The following PCDHA13 variants were observed in gnomAD, a reference collection of about 807,000 sequenced individuals.
PCDHA13 encodes the protein protocadherin alpha 13.
PCDHA13 carries 54 observed loss-of-function variants against 64.8 expected under a neutral mutation model. The ratio of observed to expected loss-of-function variants is 0.83; its 90% confidence interval spans 0.67 to 1.04. The LOEUF (loss-of-function observed/expected upper bound fraction) is 1.04, where lower values mean the gene tolerates loss of function less well. PCDHA13 is among the 50% of genes least tolerant of loss of function. PCDHA13 has a pLI of 0.00. For synonymous variants in PCDHA13, 587 were observed against 564.4 expected (o/e 1.04, Z -0.57); for missense variants, 1,248 against 1,254.3 (o/e 0.99, Z 0.08).
At position 140,882,226 on chromosome 5, in the gene PCDHA13, G is replaced by T; in HGVS notation, c.-43G>T. 6.4e-7 allele frequency: 1 copy of T among 1,564,150 alleles called. No individual in the cohort carries two copies. The highest frequency in any genetic ancestry group is 1.9e-5 in the Admixed American group (1 of 53,768). On this transcript the variant is annotated 5_prime_UTR_variant, in exon 1 of 4. Transcript: ENST00000289272. The stretch of plus-strand genomic sequence containing the variant: ...CTTGAGAGACAGTTTGAGGTAAGGC[G>T]TTGTATATATTGCAGATAGCTCTGA...
At chr5:140,885,107 T>G (rs2060471687) in intron 1 of PCDHA13, among the ~76,000 whole-genome samples, 1 of 152,238 alleles carries the variant, frequency 6.6e-6, no homozygotes, top group African/African-American at 2.4e-5. Context: ...TAAATGCTTT[T>G]TTTAAGTGCA....
chr5:141,004,933 AAAAT>A (rs1336216932), intron 3 of PCDHA13, among the ~76,000 whole-genome samples: 1 of 152,198 alleles, frequency 6.6e-6, no homozygotes, highest in Non-Finnish European at 1.5e-5. Flanking sequence ...AAGAGAGAAG[AAAAT>A]TTCTTACCCT....
chr5:140,979,197 T>C (rs954222917), intron 2 of PCDHA13, among the ~76,000 whole-genome samples, 190 bp downstream of exon 2: 2 of 152,214 alleles, frequency 1.3e-5, no homozygotes, highest in Non-Finnish European at 2.9e-5. Flanking sequence ...CAGATGCTTA[T>C]CAAGTGCTGG....
At position 140,928,212 on chromosome 5, in the gene PCDHA13, C is replaced by G. The variant is rs1388758279; in HGVS notation, c.2394+43550C>G. The G allele has an allele frequency of 2.5e-6, 4 of 1,614,106 alleles. No individual in the cohort carries two copies. The African/African-American group carries it at 5.3e-5, about 22-fold the overall frequency. On this transcript the variant is annotated intron_variant, in intron 1 of 3. Coordinates refer to ENST00000289272, the MANE Select transcript of PCDHA13 (RefSeq NM_018904.3). Reference sequence around the variant, plus strand: ...CTGTGTCAGTTGCTGATGTGAATGACAATACACCAAACTTTCCTCAACCCC... The same window carrying G: ...CTGTGTCAGTTGCTGATGTGAATGAGAATACACCAAACTTTCCTCAACCCC...
intron 1 of PCDHA13, among the ~76,000 whole-genome samples, chr5:140,958,893 A>G (rs1332305633): frequency 2.6e-5 from 4 of 152,002 alleles, no homozygotes; most frequent in African/African-American, 9.7e-5. Flanking sequence ...TAGCTATATA[A>G]TAGATACAGA....
chr5:140,910,858 T>C (rs947258615), intron 1 of PCDHA13, among the ~76,000 whole-genome samples: 3 of 152,190 alleles, frequency 2.0e-5, no homozygotes, highest in Non-Finnish European at 4.4e-5. Context: ...CTATGTTCCA[T>C]CCACCATTAT....
intron 3 of PCDHA13, among the ~76,000 whole-genome samples, chr5:141,003,429 A>G (rs782300910): frequency 6.6e-5 from 10 of 152,138 alleles, no homozygotes; most frequent in Non-Finnish European, 1.3e-4. Flanking sequence ...CTTATGCCTC[A>G]GCCTCCCAAG....
At chr5:140,907,995 C>T (rs1441720086) in intron 1 of PCDHA13, among the ~76,000 whole-genome samples, 9 of 152,166 alleles carry the variant, frequency 5.9e-5, no homozygotes, top group African/African-American at 1.9e-4. Flanking sequence ...AGTCCTTAAC[C>T]ATCCAGCCAA....
At chr5:140,997,762 A>G (rs2097784598) in intron 3 of PCDHA13, among the ~76,000 whole-genome samples, 1 of 152,118 alleles carries the variant, frequency 6.6e-6, no homozygotes, top group Non-Finnish European at 1.5e-5. Context: ...GAGTAAGGAT[A>G]TAGCACTATG....
chr5:140,948,959 C>T (rs1315047565), intron 1 of PCDHA13, among the ~76,000 whole-genome samples: 13 of 151,622 alleles, frequency 8.6e-5, no homozygotes, highest in South Asian at 6.2e-4. Context: ...ATTAAAGCCA[C>T]GAATTTATTA....
At chr5:140,986,460 G>A (rs1489873666) in intron 3 of PCDHA13, among the ~76,000 whole-genome samples, 1 of 152,176 alleles carries the variant, frequency 6.6e-6, no homozygotes, top group Admixed American at 6.5e-5. Flanking sequence ...TTTAATGAAT[G>A]CCCTCTTGTG....
At chr5:140,933,512 A>C (rs2089201610) in intron 1 of PCDHA13, among the ~76,000 whole-genome samples, 1 of 152,078 alleles carries the variant, frequency 6.6e-6, no homozygotes, top group African/African-American at 2.4e-5. Context: ...CAAAGACTAC[A>C]GCTGTTTTGT....
At chr5:140,941,019 C>T (rs569905763) in intron 1 of PCDHA13, among the ~76,000 whole-genome samples, 4 of 152,142 alleles carry the variant, frequency 2.6e-5, no homozygotes, top group East Asian at 1.9e-4. Context: ...TCCTATTTTC[C>T]TTCTGGCCTT....
chr5:140,884,390 T>C lies in PCDHA13; in HGVS notation c.2122T>C (p.Ser708Pro). 4.3e-6 allele frequency: 7 copies of C among 1,613,968 alleles called. No homozygotes were observed. Among genetic ancestry groups the C allele is most frequent in the Middle Eastern group, 1.6e-4 (1 of 6,062 alleles). ...CTTGATCATTGCCATCTGCGCGGTG[T>C]CCAGCCTGTTGGTGCTCACGTTGCT... The part of the protein sequence containing the change: ...VYLIIAICAV[S>P]SLLVLTLLLY... Residue 708 changes from serine to proline, a missense_variant, in exon 1 of 4, where the codon TCC (serine) becomes CCC (proline). By Grantham distance (74) the Ser-to-Pro change is moderately conservative. Coordinates refer to ENST00000289272, the MANE Select transcript of PCDHA13 (RefSeq NM_018904.3).
chr5:140,990,758 C>G (rs1432023166), intron 3 of PCDHA13, among the ~76,000 whole-genome samples: 1 of 152,162 alleles, frequency 6.6e-6, no homozygotes, highest in African/African-American at 2.4e-5. Flanking sequence ...ACCTTTGAGC[C>G]TGTAAATTTG....
rs892987704 is a variant in PCDHA13, at chr5:140,988,405, C to A, written c.2542+5842C>A. Among the ~76,000 whole-genome samples, 31 of 152,248 alleles carry A rather than the reference C, an allele frequency of 2.0e-4. No individual in the cohort carries two copies. In the East Asian group the frequency reaches 5.6e-3, roughly 28 times the overall value. The stretch of plus-strand genomic sequence containing the variant: ...ATTGTGTTTGCCAGAGTTCTCTTCG[C>A]AGCTTATGTAAAGAATTTGTTTGTT... On this transcript the variant is annotated intron_variant, in intron 3 of 3. Transcript: ENST00000289272.
At chr5:140,913,749 G>T (rs1166280044) in intron 1 of PCDHA13, among the ~76,000 whole-genome samples, 22 of 152,098 alleles carry the variant, frequency 1.4e-4, no homozygotes, top group Middle Eastern at 3.4e-3. Context: ...TCCTTTTGTT[G>T]TATCTCATAG....
chr5:140,950,952 A>G (rs1554219699), intron 1 of PCDHA13, among the ~76,000 whole-genome samples: 2 of 151,782 alleles, frequency 1.3e-5, no homozygotes, highest in Admixed American at 1.3e-4. Context: ...GATCATTTCT[A>G]TTGATCTATT....
chr5:141,000,828 G>A (rs1244334845), intron 3 of PCDHA13, among the ~76,000 whole-genome samples: 2 of 151,966 alleles, frequency 1.3e-5, no homozygotes, highest in African/African-American at 4.8e-5. Flanking sequence ...GATCACTTGA[G>A]TCCAGGAGAT....
Sources: allele counts gnomAD v4.1 joint callset (sites outside exome capture counted in the v4.1 genomes callset), GRCh38; gene constraint gnomAD v4.1.1; transcripts MANE v1.5; gene names NCBI Gene and HGNC (gene_info 2026-07-23, HGNC 2026-07-21).